KIF18A: variants seen among roughly 807,000 people sequenced by gnomAD.
KIF18A encodes the protein kinesin-like protein KIF18A.
Under a neutral mutation model 103.3 loss-of-function variants are expected in KIF18A, and 67 were observed. The observed-to-expected ratio is 0.65, with a 90% CI of 0.53 to 0.79. The LOEUF (loss-of-function observed/expected upper bound fraction) is 0.79, where lower values mean the gene tolerates loss of function less well. KIF18A is among the 30% of genes least tolerant of loss of function. The pLI is 0.00. For missense variants in KIF18A, 1,032 were observed against 1,062.5 expected, an observed-to-expected ratio of 0.97 and a Z score of 0.40; for synonymous variants, 367 against 355.5, an observed-to-expected ratio of 1.03 and a Z score of -0.36.
At chr11:28,035,814 C>CAT (rs1201632195) in intron 14 of KIF18A, among the ~76,000 whole-genome samples, 1 of 151,426 alleles carries the variant, frequency 6.6e-6, no homozygotes, top group Non-Finnish European at 1.5e-5. Flanking sequence ...CACATTCAAC[C>CAT]ATACTTTAGG....
rs980640910 is a variant in KIF18A, at chr11:28,032,364, C to A, written c.2504+3023G>T. ...ACACTCTTCATAGAAATAGAAAAAA[C>A]AATCCTAAAATTTATATGGAATCAC... On this transcript the variant is annotated intron_variant, in intron 15 of 16. Coordinates refer to ENST00000263181, the MANE Select transcript of KIF18A (RefSeq NM_031217.4). Among the ~76,000 whole-genome samples, 3 of 151,920 alleles carry A rather than the reference C, an allele frequency of 2.0e-5. No individual in the cohort carries two copies. In the East Asian group the frequency reaches 5.8e-4, roughly 29 times the overall value.
At position 28,091,536 on chromosome 11, in the gene KIF18A, T is replaced by C. The variant is rs752579677; in HGVS notation, c.484-23A>G. 3.0e-6 allele frequency: 4 copies of C among 1,338,002 alleles called. No individual in the cohort carries two copies. The East Asian group carries it at 9.2e-5, about 31-fold the overall frequency. The allele number at this position is 1,338,002 out of a possible 1,614,324, so 82.9% of individuals were successfully genotyped here. ...TACCTTAAAATAAAAAGAACTGCTTTAGCATTGATGTAAAAAAAAAAAATG... is the reference window on the plus strand; with the variant it reads ...TACCTTAAAATAAAAAGAACTGCTTCAGCATTGATGTAAAAAAAAAAAATG... On this transcript the variant is annotated intron_variant, in intron 3 of 16. Transcript: ENST00000263181.
At chr11:28,078,453 T>G (rs1361625327) in intron 9 of KIF18A, among the ~76,000 whole-genome samples, 2 of 152,168 alleles carry the variant, frequency 1.3e-5, no homozygotes, top group Non-Finnish European at 2.9e-5. Flanking sequence ...TTTTGTGATC[T>G]AGACTTATTT....
intron 5 of KIF18A, among the ~76,000 whole-genome samples, chr11:28,089,692 A>G (rs1851277306): frequency 6.6e-6 from 1 of 152,240 alleles, no homozygotes; most frequent in African/African-American, 2.4e-5. Flanking sequence ...ACATGACTAT[A>G]CAGTAAAGTC....
At chr11:28,041,083 A>G (rs1012428541) in intron 13 of KIF18A, among the ~76,000 whole-genome samples, 3 of 151,898 alleles carry the variant, frequency 2.0e-5, no homozygotes, top group East Asian at 3.9e-4. Flanking sequence ...ACCTGCATAA[A>G]AAGAATTCAC....
chr11:28,035,316 G>A, intron 15 of KIF18A, 71 bp downstream of exon 15: 1 of 665,604 alleles, frequency 1.5e-6, no homozygotes, highest in South Asian at 3.5e-5. Context: ...AAATAAAAAA[G>A]CAATAGCATA....
chr11:28,035,636 C>T (rs1850476336), intron 14 of KIF18A, 142 bp from the exon 15 acceptor site: 1 of 432,914 alleles, frequency 2.3e-6, no homozygotes, highest in Admixed American at 4.2e-5. Context: ...TAAAGATTCC[C>T]TTGCTTGTCC....
Position 28,083,223 on chromosome 11 carries a change from A to G in KIF18A, c.1095T>C (p.Asn365=). ...IKSSLKSNVL[N]VNNHITQYVK... is the part of the protein sequence containing the mutation. ...CATATTGAGTTATATGATTATTGAC[A>G]TTAAGAACATTGCTCTTCAACTGTT... The change falls in exon 8 of 17, where the codon AAT becomes AAC. Residue 365 remains asparagine, a synonymous_variant. Coordinates refer to ENST00000263181, the MANE Select transcript of KIF18A (RefSeq NM_031217.4). 1.3e-6 allele frequency: 2 copies of G among 1,557,474 alleles called. No homozygotes were observed. The highest frequency in any genetic ancestry group is 1.7e-6 in the Non-Finnish European group (2 of 1,162,876).
At chr11:28,068,267 G>T (rs1257797212) in intron 11 of KIF18A, among the ~76,000 whole-genome samples, 2 of 151,962 alleles carry the variant, frequency 1.3e-5, no homozygotes, top group Non-Finnish European at 2.9e-5. Flanking sequence ...GCCAGAGGCT[G>T]TCAGGGGTAG....
intron 15 of KIF18A, among the ~76,000 whole-genome samples, chr11:28,028,685 G>A (rs1299363668): frequency 1.3e-5 from 2 of 151,994 alleles, no homozygotes; most frequent in Admixed American, 6.6e-5. Context: ...GATCAGAGCA[G>A]AACTGAAGGA....
intron 11 of KIF18A, among the ~76,000 whole-genome samples, 200 bp from the exon 12 acceptor site, chr11:28,062,716 AGAAACTGAATGTT>A (rs1474353714): frequency 5.9e-5 from 9 of 152,106 alleles, no homozygotes; most frequent in African/African-American, 2.2e-4. Flanking sequence ...ATGTTTCCTC[AGAAACTGAATGTT>A]AGGAATTCAG....
intron 2 of KIF18A, among the ~76,000 whole-genome samples, chr11:28,096,570 T>C (rs1254118475): frequency 6.6e-6 from 1 of 152,148 alleles, no homozygotes; most frequent in African/African-American, 2.4e-5. Flanking sequence ...TTAAGAAGAT[T>C]TCAAAATCTC....
chr11:28,045,464 A>G (rs1325865617), intron 13 of KIF18A, among the ~76,000 whole-genome samples: 1 of 151,790 alleles, frequency 6.6e-6, no homozygotes, highest in Non-Finnish European at 1.5e-5. Context: ...ATGTCAGTAT[A>G]TTCTTACTTC....
At chr11:28,098,979 T>C (rs1247279111) in intron 1 of KIF18A, among the ~76,000 whole-genome samples, 1 of 152,066 alleles carries the variant, frequency 6.6e-6, no homozygotes, top group Non-Finnish European at 1.5e-5. Context: ...GCAATCCCAC[T>C]TCTGAGTATA....
intron 15 of KIF18A, among the ~76,000 whole-genome samples, chr11:28,031,410 T>C (rs1185935518): frequency 2.0e-5 from 3 of 151,946 alleles, no homozygotes; most frequent in Non-Finnish European, 4.4e-5. Flanking sequence ...AAACCATCAT[T>C]CTCAGCAAAC....
chr11:28,053,339 T>C (rs1850735815), intron 13 of KIF18A, among the ~76,000 whole-genome samples: 1 of 152,070 alleles, frequency 6.6e-6, no homozygotes, highest in South Asian at 2.1e-4. Context: ...TTTGAATGTT[T>C]TATAATTATC....
chr11:28,024,537 G>C (rs1371865342), intron 15 of KIF18A, among the ~76,000 whole-genome samples: 2 of 151,922 alleles, frequency 1.3e-5, no homozygotes, highest in Non-Finnish European at 2.9e-5. Flanking sequence ...TTATAGAATA[G>C]ACATACAGTG....
chr11:28,106,840 A>G (rs993811557), intron 1 of KIF18A, among the ~76,000 whole-genome samples: 10 of 152,016 alleles, frequency 6.6e-5, no homozygotes, highest in Admixed American at 2.0e-4. Context: ...GTGTGGTGGC[A>G]AACGCCTGTA....
chr11:28,090,772 A>G (rs1485326203), intron 4 of KIF18A, 45 bp from the exon 5 acceptor site: 1 of 878,368 alleles, frequency 1.1e-6, no homozygotes, highest in East Asian at 2.4e-5. Flanking sequence ...TCAGCAATAT[A>G]TCTTTAAATT....
Sources: gnomAD v4.1 joint callset for allele counts (sites outside exome capture counted in the v4.1 genomes callset) on GRCh38, gnomAD v4.1.1 for gene constraint, MANE v1.5 for transcripts, NCBI Gene and HGNC (gene_info 2026-07-23, HGNC 2026-07-21) for gene names.